Variants in PTPRE observed in about 807,000 individuals in gnomAD.
PTPRE encodes protein tyrosine phosphatase receptor type E.
A neutral mutation model predicts 102.0 loss-of-function variants in PTPRE; 51 were observed. The ratio of observed to expected loss-of-function variants is 0.50; its 90% CI spans 0.40 to 0.63. PTPRE has a LOEUF of 0.63. Among genes scored for constraint, PTPRE ranks in the 30% least tolerant of loss-of-function variants. PTPRE has a pLI of 0.00. For missense variants in PTPRE, 752 were observed against 915.1 expected, an observed-to-expected ratio of 0.82 and a Z score of 2.30; for synonymous variants, 345 against 348.2, an observed-to-expected ratio of 0.99 and a Z score of 0.10.
At position 127,907,840 on chromosome 10, in the gene PTPRE, A is replaced by G. The variant is rs1046552108; in HGVS notation, c.-31+531A>G. ...GGCGCCCGCGCCTTCCCAGGGAGGC[A>G]GGTGGAGCGGGATGCAGCAGCCGCC... On this transcript the variant is annotated intron_variant, in intron 1 of 20. Coordinates refer to ENST00000254667, the MANE Select transcript of PTPRE (RefSeq NM_006504.6). This position sits in a 1 kb window ranked among gnomAD's most constrained non-coding sequence, Gnocchi z 4.8. Among the ~76,000 whole-genome samples the G allele has an allele frequency of 7.2e-5, 11 of 152,134 alleles. No individual in the cohort carries two copies. The highest frequency in any genetic ancestry group is 2.7e-4 in the African/African-American group (11 of 41,408).
At chr10:127,954,485 C>G (rs1040901507) in intron 1 of PTPRE, among the ~76,000 whole-genome samples, 2 of 152,214 alleles carry the variant, frequency 1.3e-5, no homozygotes, top group Non-Finnish European at 2.9e-5. Context: ...TATCAACCAT[C>G]ACGGCATTCT....
At chr10:127,935,358 G>A (rs890707082) in intron 1 of PTPRE, among the ~76,000 whole-genome samples, 3 of 152,176 alleles carry the variant, frequency 2.0e-5, no homozygotes, top group African/African-American at 4.8e-5. Context: ...GCTGGTGGGC[G>A]TGTGAGATCA....
rs1433652919 is a variant in PTPRE, at chr10:128,077,604, C to G, written c.1726-13C>G. On this transcript the variant is annotated splice_polypyrimidine_tract_variant and intron_variant, in intron 18 of 20. Transcript: ENST00000254667. The stretch of plus-strand genomic sequence containing the variant: ...CAGGCAGGCGACGCTGAGACCCCCT[C>G]TCCTCCCTGCAGCCCCAGGCCCGCC... The G allele has an allele frequency of 6.3e-7, 1 of 1,594,564 alleles. No individual in the cohort carries two copies. The highest frequency in any genetic ancestry group is 8.6e-7 in the Non-Finnish European group (1 of 1,165,842).
chr10:127,923,844 C>T (rs528958842), intron 1 of PTPRE, among the ~76,000 whole-genome samples: 12 of 152,244 alleles, frequency 7.9e-5, no homozygotes, highest in African/African-American at 2.9e-4. Flanking sequence ...TGCCTGATGT[C>T]TGGTTGGTGG....
At chr10:127,993,820 C>T (rs72847320) in intron 2 of PTPRE, among the ~76,000 whole-genome samples, 13,799 of 151,650 alleles carry the variant, frequency 0.091, 805 homozygotes, top group Non-Finnish European at 0.12. Flanking sequence ...TTTAATGTCA[C>T]ATTCCCCCAG....
At chr10:128,002,683 CTTTTTTTTTTTTTT>C (rs59007980) in intron 2 of PTPRE, among the ~76,000 whole-genome samples, 3 of 41,154 alleles carry the variant, frequency 7.3e-5, no homozygotes, top group Non-Finnish European at 8.2e-5. Flanking sequence ...AGTCACATAT[CTTTTTTTTTTTTTT>C]TTTTTTTTTT....
At chr10:127,926,353 A>G (rs1292546216) in intron 1 of PTPRE, among the ~76,000 whole-genome samples, 1 of 152,262 alleles carries the variant, frequency 6.6e-6, no homozygotes, top group Non-Finnish European at 1.5e-5. Context: ...GGCTGTTTTA[A>G]TATGAGCATA....
chr10:127,915,407 T>G (rs1439665742), intron 1 of PTPRE, among the ~76,000 whole-genome samples: 2 of 152,234 alleles, frequency 1.3e-5, no homozygotes, highest in African/African-American at 4.8e-5. Flanking sequence ...AGTAACCTCG[T>G]CCTTAATTTT....
intron 16 of PTPRE, chr10:128,072,495 T>G (rs1850859522): frequency 3.6e-6 from 1 of 274,058 alleles, no homozygotes; most frequent in Non-Finnish European, 6.9e-6. Flanking sequence ...CTACTAAAAA[T>G]ACAAAAATTA....
At chr10:128,026,640 CT>C (rs1846310485) in intron 2 of PTPRE, among the ~76,000 whole-genome samples, 2 of 152,322 alleles carry the variant, frequency 1.3e-5, no homozygotes, top group Admixed American at 1.3e-4. Context: ...CTTTGCCAGT[CT>C]TTTAGTAGTG....
chr10:128,016,296 C>T (rs545372059), intron 2 of PTPRE, among the ~76,000 whole-genome samples: 2 of 152,270 alleles, frequency 1.3e-5, no homozygotes, highest in South Asian at 4.1e-4. Flanking sequence ...ATACAGGTCA[C>T]ATTTAGTCAG....
At chr10:127,913,162 A>G (rs1437462236) in intron 1 of PTPRE, among the ~76,000 whole-genome samples, 1 of 152,208 alleles carries the variant, frequency 6.6e-6, no homozygotes, top group East Asian at 1.9e-4. Flanking sequence ...GGTGGTACGC[A>G]GAGGCCTGGC....
chr10:127,981,111 T>A (rs1851575557), intron 1 of PTPRE, among the ~76,000 whole-genome samples: 1 of 152,210 alleles, frequency 6.6e-6, no homozygotes, highest in Admixed American at 6.5e-5. Flanking sequence ...TGCAATGGAA[T>A]ATTATTCAGC....
chr10:128,075,227 T>C (rs1169235669), intron 17 of PTPRE, among the ~76,000 whole-genome samples: 1 of 152,244 alleles, frequency 6.6e-6, no homozygotes, highest in African/African-American at 2.4e-5. Context: ...TCTCCTGTCA[T>C]GGGCACTTGA....
intron 2 of PTPRE, among the ~76,000 whole-genome samples, chr10:127,989,344 T>C (rs1156666742): frequency 2.0e-5 from 3 of 150,458 alleles, no homozygotes; most frequent in Admixed American, 6.6e-5. Flanking sequence ...TTACATGCCT[T>C]ATGCTTAAAC....
chr10:128,058,096 T>C (rs1849160660), intron 7 of PTPRE, among the ~76,000 whole-genome samples: 1 of 152,226 alleles, frequency 6.6e-6, no homozygotes, highest in Admixed American at 6.5e-5. Flanking sequence ...TAAACCTTCA[T>C]CCCTTAAAGG....
intron 1 of PTPRE, among the ~76,000 whole-genome samples, chr10:127,955,154 A>G (rs1374877594): frequency 6.6e-6 from 1 of 152,172 alleles, no homozygotes; most frequent in East Asian, 1.9e-4. Flanking sequence ...CCTGTGATTA[A>G]GGTCAATTGG....
intron 1 of PTPRE, among the ~76,000 whole-genome samples, chr10:127,940,316 C>T (rs901644594): frequency 9.9e-5 from 15 of 152,138 alleles, no homozygotes; most frequent in Admixed American, 6.5e-5. Context: ...ATCCAGTCTG[C>T]CTAGCCCAGT....
chr10:127,969,869 T>C (rs77698010), intron 1 of PTPRE, among the ~76,000 whole-genome samples: 15,424 of 152,092 alleles, frequency 0.1, 965 homozygotes, highest in East Asian at 0.32. Flanking sequence ...GGCTGTTGGT[T>C]CTGGAGCATC....
Sources: gnomAD v4.1 joint callset for allele counts (sites outside exome capture counted in the v4.1 genomes callset) on GRCh38, gnomAD v4.1.1 for gene constraint, Gnocchi (gnomAD v3.1) non-coding constraint, MANE v1.5 for transcripts, NCBI Gene and HGNC (gene_info 2026-07-23, HGNC 2026-07-21) for gene names.